Variants in NEK10 observed in about 807,000 individuals in gnomAD.
NEK10 encodes NIMA related kinase 10.
Under a neutral mutation model 159.8 loss-of-function variants are expected in NEK10, and 122 were observed. The observed-to-expected ratio is 0.76, with a 90% CI of 0.66 to 0.89. The LOEUF is 0.89. Ranked by LOEUF, NEK10 falls within the 40% of genes least tolerant of loss-of-function variation. NEK10 has a pLI of 0.00. For missense variants in NEK10, 1,342 were observed against 1,323.1 expected (o/e 1.01, Z -0.22); for synonymous variants, 466 against 457.1 (o/e 1.02, Z -0.25).
Position 27,108,239 on chromosome 3 carries a change from C to A in NEK10, c.*3033G>T, listed in dbSNP as rs796387650. Among the ~76,000 whole-genome samples, 1 of 152,170 alleles carries A rather than the reference C, an allele frequency of 6.6e-6. No individual in the cohort carries two copies. Among genetic ancestry groups the A allele is most frequent in the African/African-American group, 2.4e-5 (1 of 41,430 alleles). On this transcript the variant is annotated 3_prime_UTR_variant, in exon 36 of 36. Transcript: ENST00000691995. ...ATGCCTAAACATTCTGTAAACACTGCCTAATGCCATACAAGTGTCCACAAT... is the reference window on the plus strand; with the variant it reads ...ATGCCTAAACATTCTGTAAACACTGACTAATGCCATACAAGTGTCCACAAT...
intron 10 of NEK10, among the ~76,000 whole-genome samples, chr3:27,308,543 A>T (rs2044423962): frequency 2.0e-5 from 3 of 152,212 alleles, no homozygotes; most frequent in Admixed American, 2.0e-4. Flanking sequence ...ATCTTCTTGA[A>T]AATTTTTCAA....
intron 33 of NEK10, 62 bp downstream of exon 33, chr3:27,119,698 C>T: frequency 1.6e-6 from 2 of 1,234,460 alleles, no homozygotes; most frequent in Non-Finnish European, 2.4e-6. Flanking sequence ...TTAGAAATAG[C>T]TGTTGATCCA....
rs941420241 is a variant in NEK10, at chr3:27,144,037, C to T, written c.2870-2455G>A. Among the ~76,000 whole-genome samples, 11 of 152,190 alleles carry T rather than the reference C, an allele frequency of 7.2e-5. No homozygotes were observed. In the South Asian group the frequency reaches 1.0e-3, roughly 14 times the overall value. ...ATAGTCATTTCCAAGCATTTGAAAG[C>T]TACTATTATGGAAAATCTATAGCAG... On this transcript the variant is annotated intron_variant, in intron 30 of 35. Transcript: ENST00000691995.
At chr3:27,235,340 G>A (rs1322674721) in intron 23 of NEK10, among the ~76,000 whole-genome samples, 1 of 152,120 alleles carries the variant, frequency 6.6e-6, no homozygotes, top group African/African-American at 2.4e-5. Flanking sequence ...CCTACAGAAT[G>A]GGAGATAATT....
intron 23 of NEK10, among the ~76,000 whole-genome samples, chr3:27,217,046 TA>T (rs1464615020): frequency 1.3e-5 from 2 of 152,168 alleles, no homozygotes; most frequent in Non-Finnish European, 2.9e-5. Flanking sequence ...TTATGAGTGA[TA>T]AAGATAAAAA....
intron 22 of NEK10, among the ~76,000 whole-genome samples, chr3:27,266,057 G>A (rs143211004): frequency 1.3e-4 from 20 of 152,002 alleles, no homozygotes; most frequent in African/African-American, 3.1e-4. Context: ...CACCTGCCTC[G>A]GCCTCCCAAA....
chr3:27,215,856 AG>A, intron 23 of NEK10: 1 of 717,284 alleles, frequency 1.4e-6, no homozygotes. Flanking sequence ...CAGGAGCAGG[AG>A]AGCGAAGGTA....
At chr3:27,229,525 T>A (rs1439782167) in intron 23 of NEK10, among the ~76,000 whole-genome samples, 3 of 151,980 alleles carry the variant, frequency 2.0e-5, no homozygotes, top group Admixed American at 6.6e-5. Flanking sequence ...TAAAGGGAAA[T>A]CTCTGAAATG....
Position 27,297,175 on chromosome 3 carries a change from T to C in NEK10, c.1230+4A>G. The C allele has an allele frequency of 6.2e-7, 1 of 1,607,400 alleles. No individual in the cohort carries two copies. On this transcript the variant is annotated splice_donor_region_variant and intron_variant, in intron 14 of 35. Transcript: ENST00000691995. ...GACCTGACCTTGAGAAGGAGTGCTC[T>C]CACCTGAACCACCTGGTGGGCATTG...
At chr3:27,347,814 T>G (rs939175240) in intron 3 of NEK10, among the ~76,000 whole-genome samples, 9 of 152,132 alleles carry the variant, frequency 5.9e-5, no homozygotes, top group African/African-American at 2.2e-4. Flanking sequence ...CCTGGCCAGA[T>G]TCTATGAATT....
In NEK10 at chr3:27,311,018, T is replaced by C. The variant is rs1203926050; in HGVS notation, c.569-2A>G. The C allele has an allele frequency of 1.2e-6, 2 of 1,602,412 alleles. No individual in the cohort carries two copies. The highest frequency in any genetic ancestry group is 1.7e-6 in the Non-Finnish European group (2 of 1,169,932). On this transcript the variant is annotated splice_acceptor_variant, in intron 8 of 35. Transcript: ENST00000691995. LOFTEE classifies it high-confidence loss of function. ...CTGCAGCAAGTTTTTGAAAAATATC[T>C]ATAAAGGAAAGAAAGAGCGCAAAGA...
chr3:27,112,421 T>A (rs1019495929), intron 35 of NEK10, among the ~76,000 whole-genome samples: 2 of 152,322 alleles, frequency 1.3e-5, no homozygotes, highest in South Asian at 4.1e-4. Flanking sequence ...ACCGAAATTA[T>A]ATATGTAACT....
chr3:27,362,444 A>T (rs1166953449), intron 1 of NEK10, among the ~76,000 whole-genome samples: 1 of 152,118 alleles, frequency 6.6e-6, no homozygotes, highest in Non-Finnish European at 1.5e-5. Flanking sequence ...ATCTTTGGCC[A>T]ACTCTTTTGG....
At chr3:27,171,743 A>G in intron 29 of NEK10, 76 bp downstream of exon 29, 1 of 1,477,744 alleles carries the variant, frequency 6.8e-7, no homozygotes, top group Non-Finnish European at 9.3e-7. Flanking sequence ...TCTGGCTATC[A>G]GGTTTCAATT....
chr3:27,293,030 A>C (rs1211863385), intron 16 of NEK10, among the ~76,000 whole-genome samples: 2 of 152,218 alleles, frequency 1.3e-5, no homozygotes, highest in African/African-American at 4.8e-5. Flanking sequence ...AATGGTGTGC[A>C]GAACACCACT....
At chr3:27,277,975 T>C (rs1319937098) in intron 22 of NEK10, among the ~76,000 whole-genome samples, 1 of 152,240 alleles carries the variant, frequency 6.6e-6, no homozygotes, top group African/African-American at 2.4e-5. Context: ...GGAGTCTTGT[T>C]AAGTCAGAGG....
At chr3:27,211,198 T>C (rs180787723) in intron 23 of NEK10, among the ~76,000 whole-genome samples, 1 of 152,332 alleles carries the variant, frequency 6.6e-6, no homozygotes, top group African/African-American at 2.4e-5. Flanking sequence ...TTTCAGATCA[T>C]TTCATGCGAC....
chr3:27,139,136 A>G (rs1003843363), intron 31 of NEK10, among the ~76,000 whole-genome samples: 10 of 152,214 alleles, frequency 6.6e-5, no homozygotes, highest in African/African-American at 2.4e-4. Flanking sequence ...ATGAAGTCAC[A>G]TGTTATCAAA....
At chr3:27,176,480 G>A (rs923640946) in intron 26 of NEK10, among the ~76,000 whole-genome samples, 2 of 152,168 alleles carry the variant, frequency 1.3e-5, no homozygotes, top group African/African-American at 4.8e-5. Flanking sequence ...GGCTAGTATC[G>A]GGCTTCTAAG....
Sources: allele counts gnomAD v4.1 joint callset (sites outside exome capture counted in the v4.1 genomes callset), GRCh38; gene constraint gnomAD v4.1.1; transcripts MANE v1.5; gene names NCBI Gene and HGNC (gene_info 2026-07-23, HGNC 2026-07-21).